CCSER2: variants seen among roughly 807,000 people sequenced by gnomAD.
The protein encoded by CCSER2 is coiled-coil serine rich protein 2, also known as serine-rich coiled-coil domain-containing protein 2.
CCSER2 carries 46 observed loss-of-function variants against 92.3 expected under a neutral mutation model. That is an observed-to-expected ratio of 0.50 (90% CI 0.39 to 0.64). The LOEUF is 0.64. CCSER2 is among the 30% of genes least tolerant of loss of function. The pLI, the probability that CCSER2 is intolerant of heterozygous loss-of-function variation, is 0.00. For synonymous variants in CCSER2, 433 were observed against 431.4 expected (o/e 1.00, Z -0.04); for missense variants, 1,244 against 1,238.9 (o/e 1.00, Z -0.06).
chr10:84,384,853 A>C (rs1422321408), intron 3 of CCSER2, among the ~76,000 whole-genome samples: 5 of 152,216 alleles, frequency 3.3e-5, no homozygotes, highest in African/African-American at 7.2e-5. Context: ...TCTTATGCTT[A>C]GAAAACCCTA....
At chr10:84,396,804 C>T (rs34006444) in intron 3 of CCSER2, among the ~76,000 whole-genome samples, 8,859 of 151,964 alleles carry the variant, frequency 0.058, 369 homozygotes, top group Admixed American at 0.1. Flanking sequence ...TCCAAAGTGT[C>T]GGGATTACAG....
chr10:84,449,375 A>G, intron 6 of CCSER2, among the ~76,000 whole-genome samples: 1 of 151,406 alleles, frequency 6.6e-6, no homozygotes, highest in Admixed American at 6.6e-5. Context: ...AGTCTGTCTC[A>G]AGAAAAAAAT....
intron 1 of CCSER2, among the ~76,000 whole-genome samples, chr10:84,364,506 A>G (rs1424050299): frequency 6.6e-6 from 1 of 152,194 alleles, no homozygotes; most frequent in African/African-American, 2.4e-5. Context: ...TTGGACAAGT[A>G]TATTAGCCTC....
At chr10:84,448,831 G>A (rs1162681290) in intron 6 of CCSER2, among the ~76,000 whole-genome samples, 1 of 152,082 alleles carries the variant, frequency 6.6e-6, no homozygotes, top group Non-Finnish European at 1.5e-5. Context: ...ACCATTTGTT[G>A]TGTACTCTTT....
intron 1 of CCSER2, among the ~76,000 whole-genome samples, chr10:84,368,217 T>C (rs17103375): frequency 0.058 from 8,860 of 152,206 alleles, 369 homozygotes; most frequent in Admixed American, 0.1. Flanking sequence ...AATTTTCAAG[T>C]TTTTTAGTTC....
At chr10:84,468,858 A>G (rs1278089125) in intron 7 of CCSER2, among the ~76,000 whole-genome samples, 3 of 152,280 alleles carry the variant, frequency 2.0e-5, no homozygotes, top group East Asian at 3.9e-4. Flanking sequence ...ATACAGATGT[A>G]TATTTGTCCA....
At chr10:84,484,724 T>G (rs139709782) in intron 9 of CCSER2, among the ~76,000 whole-genome samples, 1 of 152,328 alleles carries the variant, frequency 6.6e-6, no homozygotes, top group African/African-American at 2.4e-5. Context: ...ACAGCCTGTG[T>G]TTTGATGATC....
chr10:84,508,591 A>G (rs1484328561), intron 9 of CCSER2, among the ~76,000 whole-genome samples: 2 of 152,268 alleles, frequency 1.3e-5, no homozygotes, highest in East Asian at 1.9e-4. Context: ...GAGAGAAGAA[A>G]GTTCTCTCTA....
chr10:84,345,540 T>C (rs1238684824), intron 1 of CCSER2, among the ~76,000 whole-genome samples: 2 of 152,194 alleles, frequency 1.3e-5, no homozygotes, highest in African/African-American at 2.4e-5. Context: ...GCAAGTTTCG[T>C]TGTGGCATTT....
rs1394487282 is a variant in CCSER2, at chr10:84,516,128, A to G, written c.*1861A>G. 2.6e-5 allele frequency: 4 copies of G among 152,218 alleles called. No homozygotes were observed. Among genetic ancestry groups the G allele is most frequent in the African/African-American group, 9.7e-5 (4 of 41,448 alleles). 9.4% of individuals were successfully genotyped at this position (152,218 alleles called of 1,614,324 possible). On this transcript the variant is annotated 3_prime_UTR_variant, in exon 10 of 10. Coordinates refer to ENST00000372088, the MANE Select transcript of CCSER2 (RefSeq NM_001284240.2). ...TATGTTGATGAAATTGCCCCTTTAT[A>G]AGAAAAACAACAGCAAGTCTTTTAG...
At chr10:84,337,016 T>G (rs945741910) in intron 1 of CCSER2, among the ~76,000 whole-genome samples, 1 of 152,114 alleles carries the variant, frequency 6.6e-6, no homozygotes, top group African/African-American at 2.4e-5. Context: ...GAAGCAGGGT[T>G]TTAGCGGGGG....
At chr10:84,510,137 T>C (rs1028875962) in intron 9 of CCSER2, among the ~76,000 whole-genome samples, 2 of 152,212 alleles carry the variant, frequency 1.3e-5, no homozygotes, top group Non-Finnish European at 2.9e-5. Context: ...CCCTTAGCTA[T>C]GCTTTTGCAC....
intron 7 of CCSER2, among the ~76,000 whole-genome samples, chr10:84,468,503 T>TG (rs922698793): frequency 4.6e-5 from 7 of 152,140 alleles, no homozygotes; most frequent in Non-Finnish European, 1.0e-4. Flanking sequence ...ATGGTTTTGG[T>TG]GGGGGAAAAA....
At chr10:84,345,149 C>T (rs138360978) in intron 1 of CCSER2, among the ~76,000 whole-genome samples, 10 of 151,960 alleles carry the variant, frequency 6.6e-5, no homozygotes, top group Admixed American at 2.0e-4. Context: ...AAACTGAAGG[C>T]GGAAAATTAA....
chr10:84,500,778 G>A (rs1589824764), intron 9 of CCSER2, among the ~76,000 whole-genome samples: 1 of 152,006 alleles, frequency 6.6e-6, no homozygotes, highest in East Asian at 1.9e-4. Flanking sequence ...CCTTCTCCAA[G>A]GATTTATCAT....
At chr10:84,423,043 A>G (rs1843230950) in intron 4 of CCSER2, among the ~76,000 whole-genome samples, 1 of 151,492 alleles carries the variant, frequency 6.6e-6, no homozygotes. Context: ...CAACAGAGCT[A>G]GACTTCATCT....
Position 84,513,703 on chromosome 10 carries a change from C to G in CCSER2, c.2580C>G (p.Asn860Lys). ...CTAAGAGTACACCTTCTGAAGCAAA[C>G]TTAAACATTACTGTAAATGCTCAAG... ...DVAKSTPSEA[N>K]LNITVNAQEP... is the part of the protein sequence containing the mutation. The change falls in exon 10 of 10, where the codon AAC (asparagine) becomes AAG (lysine). Residue 860 changes from asparagine to lysine, a missense_variant. Physicochemically the swap from Asn to Lys is moderately conservative, Grantham distance 94 (BLOSUM62 0). Transcript: ENST00000372088. The G allele has an allele frequency of 6.5e-7, 1 of 1,540,732 alleles. No individual in the cohort carries two copies. The highest frequency in any genetic ancestry group is 8.7e-7 in the Non-Finnish European group (1 of 1,148,044).
chr10:84,443,205 G>C (rs767270611), intron 6 of CCSER2, among the ~76,000 whole-genome samples: 11 of 152,036 alleles, frequency 7.2e-5, no homozygotes, highest in Admixed American at 2.0e-4. Flanking sequence ...TCAGAGTGAA[G>C]AGGCAACCTA....
chr10:84,341,902 A>C (rs1223275482), intron 1 of CCSER2, among the ~76,000 whole-genome samples: 2 of 152,222 alleles, frequency 1.3e-5, no homozygotes, highest in African/African-American at 2.4e-5. Context: ...GGAAAGGGGC[A>C]TGGAGCTTCT....
Sources: allele counts gnomAD v4.1 joint callset (sites outside exome capture counted in the v4.1 genomes callset), GRCh38; gene constraint gnomAD v4.1.1; transcripts MANE v1.5; gene names NCBI Gene and HGNC (gene_info 2026-07-23, HGNC 2026-07-21).